TAMM41: variants seen among roughly 807,000 people sequenced by gnomAD.
TAMM41 encodes the protein TAM41 mitochondrial translocator assembly and maintenance homolog, also known as phosphatidate cytidylyltransferase, mitochondrial.
In TAMM41, 36 loss-of-function variants were observed where a neutral mutation model predicts 44.1. The ratio of observed to expected loss-of-function variants is 0.82; its 90% confidence interval spans 0.63 to 1.08. The LOEUF is 1.08. TAMM41 is among the 50% of genes least tolerant of loss of function. The probability of loss-of-function intolerance (pLI) is 0.00; values close to 1 mark genes in which losing one functional copy is unlikely to be tolerated. For missense variants in TAMM41, 417 were observed against 404.3 expected, an observed-to-expected ratio of 1.03 and a Z score of -0.27; for synonymous variants, 164 against 153.1, an observed-to-expected ratio of 1.07 and a Z score of -0.53.
At chr3:11,768,107 T>C in the TAMM41 span, among the ~76,000 whole-genome samples, 1 of 150,946 alleles carries the variant, frequency 6.6e-6, no homozygotes, top group African/African-American at 2.4e-5. Flanking sequence ...TATTGGCCAT[T>C]TGCATATCTT....
the TAMM41 span, among the ~76,000 whole-genome samples, chr3:11,759,304 C>A: frequency 6.6e-6 from 1 of 152,028 alleles, no homozygotes; most frequent in South Asian, 2.1e-4. Flanking sequence ...CACATCCATT[C>A]TTTCAGGAAA....
the TAMM41 span, among the ~76,000 whole-genome samples, chr3:11,757,795 C>T: frequency 1.3e-5 from 2 of 152,184 alleles, no homozygotes; most frequent in African/African-American, 4.8e-5. Flanking sequence ...TGCAGGGTGA[C>T]AATCATTCAT....
chr3:11,794,812 A>G (rs1363744591), intron 7 of TAMM41, among the ~76,000 whole-genome samples: 1 of 152,330 alleles, frequency 6.6e-6, no homozygotes. Flanking sequence ...CTAGGCTGTG[A>G]AAGATCTCTA....
At chr3:11,742,975 G>C in the TAMM41 span, among the ~76,000 whole-genome samples, 1 of 152,092 alleles carries the variant, frequency 6.6e-6, no homozygotes, top group African/African-American at 2.4e-5. Flanking sequence ...ACTAAAGCCA[G>C]AAAAACTCAT....
chr3:11,779,919 A>G, the TAMM41 span, among the ~76,000 whole-genome samples: 2 of 152,064 alleles, frequency 1.3e-5, no homozygotes, highest in African/African-American at 2.4e-5. Flanking sequence ...TGCCAGCGGG[A>G]GCCTTGGCAA....
chr3:11,766,395 T>C, the TAMM41 span, among the ~76,000 whole-genome samples: 1 of 152,090 alleles, frequency 6.6e-6, no homozygotes, highest in Admixed American at 6.6e-5. Flanking sequence ...CTTGAACTTC[T>C]GGACTCAATC....
chr3:11,769,523 G>T, the TAMM41 span, among the ~76,000 whole-genome samples: 1 of 152,110 alleles, frequency 6.6e-6, no homozygotes, highest in East Asian at 1.9e-4. Context: ...TCTCAACTCT[G>T]CTGCTGTAGT....
At chr3:11,769,250 C>A in the TAMM41 span, among the ~76,000 whole-genome samples, 113 of 152,214 alleles carry the variant, frequency 7.4e-4, 1 homozygote, top group African/African-American at 1.7e-3. Context: ...CCACCACGCA[C>A]AGCTAATTTT....
intron 4 of TAMM41, among the ~76,000 whole-genome samples, chr3:11,822,587 C>T (rs1230377409): frequency 6.6e-6 from 1 of 152,210 alleles, no homozygotes; most frequent in African/African-American, 2.4e-5. Context: ...TGGATCTAAT[C>T]TACTTTCTTG....
chr3:11,788,834 C>T (rs569495075), downstream of TAMM41, among the ~76,000 whole-genome samples: 85 of 151,856 alleles, frequency 5.6e-4, no homozygotes, highest in African/African-American at 1.8e-3. Context: ...CTACTCGGGA[C>T]GCTGAAGCAG....
intron 6 of TAMM41, chr3:11,808,852 G>A (rs2078000869): frequency 6.4e-6 from 1 of 155,176 alleles, no homozygotes. Context: ...TCCCAAGTTA[G>A]CTGAGATTAT....
chr3:11,825,897 G>T (rs1575678471), intron 4 of TAMM41, among the ~76,000 whole-genome samples: 1 of 152,028 alleles, frequency 6.6e-6, no homozygotes, highest in Non-Finnish European at 1.5e-5. Context: ...TTACAGGTGT[G>T]AGCCACAGCA....
At position 11,808,143 on chromosome 3, in the gene TAMM41, TC is replaced by T. The variant is rs2124953956; in HGVS notation, c.875-249del. 3.1e-6 allele frequency: 3 copies of T among 959,246 alleles called. No homozygotes were observed. The South Asian group carries it at 8.8e-5, about 28-fold the overall frequency. 59.4% of individuals were successfully genotyped at this position (959,246 alleles called of 1,614,324 possible). ...GCCGATGACCGAACAGCTCTGTGCC[TC>T]TTCCCCTTAAAACAAGGGGATGGGT... On this transcript the variant is annotated intron_variant, in intron 6 of 7. Transcript: ENST00000455809.
chr3:11,802,224 A>C, intron 7 of TAMM41, among the ~76,000 whole-genome samples: 1 of 152,212 alleles, frequency 6.6e-6, no homozygotes, highest in East Asian at 1.9e-4. Context: ...TGACTCAAAA[A>C]ACAAAAAAGA....
At chr3:11,766,925 A>G in the TAMM41 span, among the ~76,000 whole-genome samples, 2 of 152,148 alleles carry the variant, frequency 1.3e-5, no homozygotes, top group Non-Finnish European at 2.9e-5. Context: ...ATTCACATGC[A>G]GTTGTAATAA....
chr3:11,751,412 C>T, the TAMM41 span, among the ~76,000 whole-genome samples: 1 of 152,118 alleles, frequency 6.6e-6, no homozygotes, highest in African/African-American at 2.4e-5. Context: ...CTTATGAGCC[C>T]AAGCAGCATC....
the TAMM41 span, among the ~76,000 whole-genome samples, chr3:11,747,877 A>ATTT: frequency 0.039 from 1,518 of 38,804 alleles, 16 homozygotes; most frequent in South Asian, 0.11. Context: ...CTATTTATTT[A>ATTT]TTTATTTTTT....
the TAMM41 span, among the ~76,000 whole-genome samples, chr3:11,727,141 T>C: frequency 6.6e-6 from 1 of 152,192 alleles, no homozygotes; most frequent in Non-Finnish European, 1.5e-5. Context: ...TATTGTAAGG[T>C]AGGAACTGTA....
chr3:11,789,972 T>C (rs968904201), downstream of TAMM41, among the ~76,000 whole-genome samples: 3 of 152,210 alleles, frequency 2.0e-5, no homozygotes, highest in Admixed American at 6.5e-5. Context: ...AGGCAGGCTC[T>C]GCAAGGTGTC....
Sources: allele counts gnomAD v4.1 joint callset (sites outside exome capture counted in the v4.1 genomes callset), GRCh38; gene constraint gnomAD v4.1.1; transcripts MANE v1.5; gene names NCBI Gene and HGNC (gene_info 2026-07-23, HGNC 2026-07-21).